VDAC1: variants seen among roughly 807,000 people sequenced by gnomAD.
The protein encoded by VDAC1 is non-selective voltage-gated ion channel VDAC1.
VDAC1 carries 10 observed loss-of-function variants against 34.7 expected under a neutral mutation model. The observed-to-expected ratio is 0.29, with a 90% CI of 0.18 to 0.49. The LOEUF (loss-of-function observed/expected upper bound fraction) is 0.49, where lower values mean the gene tolerates loss of function less well. Ranked by LOEUF, VDAC1 falls within the 20% of genes least tolerant of loss-of-function variation. The pLI, the probability that VDAC1 is intolerant of heterozygous loss-of-function variation, is 0.99. For synonymous variants in VDAC1, 130 were observed against 136.0 expected, an observed-to-expected ratio of 0.96 and a Z score of 0.30; for missense variants, 230 against 347.9, an observed-to-expected ratio of 0.66 and a Z score of 2.69.
intron 5 of VDAC1, among the ~76,000 whole-genome samples, chr5:133,982,644 C>A (rs1272243680): frequency 1.3e-5 from 2 of 152,172 alleles, no homozygotes; most frequent in Non-Finnish European, 2.9e-5. Flanking sequence ...AATCCCAACA[C>A]TTCGGGAGGC....
chr5:133,973,284 T>G (rs1310733080), intron 8 of VDAC1, among the ~76,000 whole-genome samples: 1 of 152,234 alleles, frequency 6.6e-6, no homozygotes, highest in Non-Finnish European at 1.5e-5. Flanking sequence ...CATCCACAGA[T>G]GCACACAACA....
At chr5:134,048,729 C>T in the VDAC1 span, among the ~76,000 whole-genome samples, 4 of 152,098 alleles carry the variant, frequency 2.6e-5, no homozygotes, top group African/African-American at 7.2e-5. Context: ...GCTCTTATCC[C>T]CCGCTGGACA....
At chr5:134,009,788 C>G (rs1753803762), upstream of VDAC1, among the ~76,000 whole-genome samples, 2 of 151,740 alleles carry the variant, frequency 1.3e-5, no homozygotes, top group East Asian at 3.9e-4. Flanking sequence ...TTAAGCTATT[C>G]TCATGCCTCA....
chr5:134,014,160 G>T, the VDAC1 span, among the ~76,000 whole-genome samples: 1 of 151,646 alleles, frequency 6.6e-6, no homozygotes, highest in African/African-American at 2.4e-5. Flanking sequence ...GTGGTGGCAC[G>T]CGCTTGTAAT....
the VDAC1 span, among the ~76,000 whole-genome samples, chr5:134,041,300 G>T: frequency 1.3e-5 from 2 of 152,184 alleles, no homozygotes; most frequent in Non-Finnish European, 2.9e-5. Flanking sequence ...AAAATTCCTT[G>T]ACCTAATCTT....
chr5:134,082,587 G>T, the VDAC1 span, among the ~76,000 whole-genome samples: 2 of 152,190 alleles, frequency 1.3e-5, no homozygotes, highest in African/African-American at 4.8e-5. Context: ...GAATATCTAG[G>T]AGTAGAATGT....
chr5:134,042,396 G>T, the VDAC1 span, among the ~76,000 whole-genome samples: 19 of 152,362 alleles, frequency 1.2e-4, no homozygotes, highest in African/African-American at 4.6e-4. Context: ...GGCCCATGCT[G>T]GGTGCCCAGG....
At chr5:134,019,797 C>A in the VDAC1 span, among the ~76,000 whole-genome samples, 1 of 152,306 alleles carries the variant, frequency 6.6e-6, no homozygotes, top group African/African-American at 2.4e-5. Context: ...TCAGACCAAG[C>A]ACCTGGCCTG....
At position 133,972,484 on chromosome 5, in the gene VDAC1, T is replaced by C. The variant is rs1003916715; in HGVS notation, c.*287A>G. 6.4e-6 allele frequency: 3 copies of C among 468,474 alleles called. No individual in the cohort carries two copies. The highest frequency in any genetic ancestry group is 5.2e-5 in the South Asian group (1 of 19,412). 29.0% of individuals were successfully genotyped at this position (468,474 alleles called of 1,614,324 possible). A position where few individuals can be genotyped will look rare whatever the true frequency, so the allele number is the denominator to read the frequency against. On this transcript the variant is annotated 3_prime_UTR_variant, in exon 9 of 9. Transcript: ENST00000265333. ...TATGAATTTACAAAGTGCCTACATA[T>C]TATCCGCTTCCACTTGCAGCCATTT...
chr5:134,083,190 CT>C, the VDAC1 span, among the ~76,000 whole-genome samples: 862 of 125,498 alleles, frequency 6.9e-3, 3 homozygotes, highest in African/African-American at 0.022. Flanking sequence ...CTTTTTTTTT[CT>C]TTTTTTTTTT....
At chr5:134,088,910 C>T in the VDAC1 span, among the ~76,000 whole-genome samples, 2 of 152,232 alleles carry the variant, frequency 1.3e-5, no homozygotes, top group East Asian at 3.8e-4. Flanking sequence ...TCACACACAT[C>T]CATTCAGCTT....
At chr5:134,064,545 C>G in the VDAC1 span, among the ~76,000 whole-genome samples, 2 of 152,084 alleles carry the variant, frequency 1.3e-5, no homozygotes, top group African/African-American at 4.8e-5. Context: ...CTCAGATGAT[C>G]TGCCCACCTC....
chr5:133,994,513 C>A (rs1487245396), intron 1 of VDAC1, among the ~76,000 whole-genome samples: 1 of 152,154 alleles, frequency 6.6e-6, no homozygotes, highest in Admixed American at 6.5e-5. Context: ...ATCCATTTTA[C>A]ACTGCCCGCC....
chr5:133,998,530 C>G (rs1392143150), intron 1 of VDAC1, among the ~76,000 whole-genome samples: 2 of 152,084 alleles, frequency 1.3e-5, no homozygotes, highest in Non-Finnish European at 2.9e-5. Flanking sequence ...GCGAGAGACT[C>G]CCTCTCCAAA....
the VDAC1 span, among the ~76,000 whole-genome samples, chr5:134,058,282 C>T: frequency 1.3e-5 from 2 of 151,486 alleles, no homozygotes; most frequent in Non-Finnish European, 2.9e-5. Context: ...AGCAGCCGGG[C>T]TGTCCCTGGC....
At chr5:134,027,839 C>T in the VDAC1 span, among the ~76,000 whole-genome samples, 5 of 141,172 alleles carry the variant, frequency 3.5e-5, 1 homozygote, top group South Asian at 9.0e-4. Flanking sequence ...GGTGTGATCT[C>T]GGCTCACTGC....
At chr5:134,099,021 G>A in the VDAC1 span, among the ~76,000 whole-genome samples, 1 of 152,208 alleles carries the variant, frequency 6.6e-6, no homozygotes, top group Non-Finnish European at 1.5e-5. Context: ...CGCTGGGGCT[G>A]CACAAATACT....
At chr5:133,979,424 CT>C (rs71581380) in intron 6 of VDAC1, among the ~76,000 whole-genome samples, 2,887 of 80,656 alleles carry the variant, frequency 0.036, 10 homozygotes, top group East Asian at 0.094. Context: ...ATTTTCTTTG[CT>C]TTTTTTTTTT....
At chr5:134,093,518 C>A in the VDAC1 span, among the ~76,000 whole-genome samples, 1 of 152,198 alleles carries the variant, frequency 6.6e-6, no homozygotes, top group Non-Finnish European at 1.5e-5. Flanking sequence ...CCTCATGATG[C>A]AAAGCAGAGA....
Sources: gnomAD v4.1 joint callset for allele counts (sites outside exome capture counted in the v4.1 genomes callset) on GRCh38, gnomAD v4.1.1 for gene constraint, MANE v1.5 for transcripts, NCBI Gene and HGNC (gene_info 2026-07-23, HGNC 2026-07-21) for gene names.